Variants in ADAM22 observed in about 807,000 individuals in gnomAD.
ADAM22 encodes the protein ADAM metallopeptidase domain 22.
ADAM22 carries 65 observed loss-of-function variants against 144.6 expected under a neutral mutation model. The observed-to-expected ratio is 0.45, with a 90% CI of 0.37 to 0.55. ADAM22 has a LOEUF of 0.55. ADAM22 is among the 20% of genes least tolerant of loss of function. The pLI is 0.00. For synonymous variants in ADAM22, 391 were observed against 412.6 expected (o/e 0.95, Z 0.63); for missense variants, 974 against 1,184.9 (o/e 0.82, Z 2.61).
chr7:88,122,935 T>A (rs956501180), intron 7 of ADAM22, among the ~76,000 whole-genome samples: 2 of 152,222 alleles, frequency 1.3e-5, no homozygotes, highest in Non-Finnish European at 2.9e-5. Flanking sequence ...ATCTGAGTAG[T>A]TTTATCAGTC....
At chr7:88,135,701 C>G (rs1832852003) in intron 13 of ADAM22, among the ~76,000 whole-genome samples, 1 of 152,058 alleles carries the variant, frequency 6.6e-6, no homozygotes, top group South Asian at 2.1e-4. Flanking sequence ...ATTTGATTGT[C>G]TTTCATTTAA....
chr7:88,062,684 T>C (rs758677079), intron 3 of ADAM22, among the ~76,000 whole-genome samples: 1 of 152,250 alleles, frequency 6.6e-6, no homozygotes, highest in Non-Finnish European at 1.5e-5. Flanking sequence ...GTTTTTGACT[T>C]ATCTTGGCTT....
At chr7:88,035,948 A>T (rs1473145662) in intron 3 of ADAM22, among the ~76,000 whole-genome samples, 1 of 152,206 alleles carries the variant, frequency 6.6e-6, no homozygotes, top group Non-Finnish European at 1.5e-5. Flanking sequence ...AGTCAGGAAA[A>T]ATATGGATCT....
Position 88,002,913 on chromosome 7 carries a change from A to T in ADAM22, c.323+24501A>T, listed in dbSNP as rs555021923. Among the ~76,000 whole-genome samples the T allele has an allele frequency of 6.6e-5, 10 of 152,358 alleles. No homozygotes were observed. In the South Asian group the frequency reaches 2.1e-3, roughly 32 times the overall value. On this transcript the variant is annotated intron_variant, in intron 3 of 31. Transcript: ENST00000413139. Reference sequence around the variant, plus strand: ...TTAGGAAAACTTCATGCTTAGATGAAGTAAGAGGATGTAATTTGTGAAGTG... The same window carrying T: ...TTAGGAAAACTTCATGCTTAGATGATGTAAGAGGATGTAATTTGTGAAGTG...
chr7:88,039,309 G>A (rs1174554488), intron 3 of ADAM22, among the ~76,000 whole-genome samples: 1 of 150,410 alleles, frequency 6.6e-6, no homozygotes, highest in Non-Finnish European at 1.5e-5. Flanking sequence ...CAGACATGGT[G>A]GCACACGCCT....
At chr7:87,945,431 A>G (rs1406707494) in intron 2 of ADAM22, among the ~76,000 whole-genome samples, 5 of 152,180 alleles carry the variant, frequency 3.3e-5, no homozygotes, top group South Asian at 2.1e-4. Context: ...AGTGTTTAAT[A>G]AGGATAGGAT....
intron 3 of ADAM22, among the ~76,000 whole-genome samples, chr7:88,000,264 A>G (rs1042428792): frequency 5.9e-5 from 9 of 152,180 alleles, no homozygotes; most frequent in African/African-American, 1.9e-4. Flanking sequence ...TCCATGTAGT[A>G]AAGTGTTGAC....
intron 3 of ADAM22, among the ~76,000 whole-genome samples, chr7:87,983,440 TA>T (rs1854207605): frequency 6.6e-6 from 1 of 152,130 alleles, no homozygotes; most frequent in Admixed American, 6.5e-5. Flanking sequence ...GTGGGTGTAA[TA>T]TTTTTCCATC....
At chr7:88,052,457 G>A (rs575256115) in intron 3 of ADAM22, among the ~76,000 whole-genome samples, 2 of 151,252 alleles carry the variant, frequency 1.3e-5, no homozygotes, top group South Asian at 2.1e-4. Flanking sequence ...CGGAGATCAC[G>A]CCACTGCACT....
At chr7:88,026,001 T>C (rs1798946180) in intron 3 of ADAM22, among the ~76,000 whole-genome samples, 1 of 152,234 alleles carries the variant, frequency 6.6e-6, no homozygotes, top group Non-Finnish European at 1.5e-5. Context: ...TGTGTGTGTG[T>C]CCTCTTCAAT....
At chr7:88,170,847 C>A (rs1844150130) in intron 25 of ADAM22, among the ~76,000 whole-genome samples, 1 of 151,914 alleles carries the variant, frequency 6.6e-6, no homozygotes, top group South Asian at 2.1e-4. Context: ...TGGTACTGTA[C>A]TACCACACCC....
chr7:88,007,551 G>A (rs568604195), intron 3 of ADAM22, among the ~76,000 whole-genome samples: 309 of 152,072 alleles, frequency 2.0e-3, no homozygotes, highest in African/African-American at 5.7e-3. Context: ...CAAAACAGAC[G>A]TATAGATCAA....
At chr7:88,149,118 C>A in intron 18 of ADAM22, 61 bp downstream of exon 18, 1 of 1,138,686 alleles carries the variant, frequency 8.8e-7, no homozygotes, top group Non-Finnish European at 1.3e-6. Context: ...CTTTAGTGCA[C>A]TGACCCTCAA....
intron 5 of ADAM22, among the ~76,000 whole-genome samples, chr7:88,112,958 G>T (rs532040981): frequency 9.9e-5 from 15 of 152,154 alleles, no homozygotes; most frequent in African/African-American, 3.6e-4. Context: ...GGCCTCATGT[G>T]ATTTCCCCCC....
Position 88,158,278 on chromosome 7 carries a change from A to G in ADAM22, c.1907+2272A>G, listed in dbSNP as rs191247633. ...CAAGTTCTTAGAGACCTACAAAGAG[A>G]CTTAAACTCCCTCACAATAACAGTA... On this transcript the variant is annotated intron_variant, in intron 22 of 31. Transcript: ENST00000413139. Among the ~76,000 whole-genome samples the G allele has an allele frequency of 4.9e-3, 753 of 152,274 alleles. 9 individuals carry two copies. The highest frequency in any genetic ancestry group is 0.017 in the African/African-American group (721 of 41,576).
At chr7:88,082,729 A>C (rs573028358) in intron 4 of ADAM22, among the ~76,000 whole-genome samples, 2 of 152,232 alleles carry the variant, frequency 1.3e-5, no homozygotes, top group Non-Finnish European at 2.9e-5. Flanking sequence ...CAAAAAACAC[A>C]TGAAAAAATG....
chr7:88,181,667 T>G lies in ADAM22; in HGVS notation c.2596+62T>G. 2 of 1,415,824 alleles carry G rather than the reference T, an allele frequency of 1.4e-6. 1 individual carries two copies. Among genetic ancestry groups the G allele is most frequent in the Admixed American group, 3.8e-5 (2 of 52,580 alleles). 87.7% of individuals were successfully genotyped at this position (1,415,824 alleles called of 1,614,324 possible). On this transcript the variant is annotated intron_variant, in intron 28 of 31. Coordinates refer to ENST00000413139, the MANE Select transcript of ADAM22 (RefSeq NM_001324418.2). ...ATCAAGTTCTATATTCTGTGGCCCC[T>G]GGTTGTAAAGACTTTTATTTCTTTG...
chr7:88,072,925 A>G (rs1813203815), intron 3 of ADAM22, among the ~76,000 whole-genome samples: 1 of 152,242 alleles, frequency 6.6e-6, no homozygotes, highest in South Asian at 2.1e-4. Context: ...TGCCTGAGGC[A>G]GGTCTTTCCA....
At chr7:88,113,277 T>C (rs1167708432) in intron 5 of ADAM22, among the ~76,000 whole-genome samples, 1 of 151,900 alleles carries the variant, frequency 6.6e-6, no homozygotes, top group African/African-American at 2.4e-5. Context: ...TTCAAATCCA[T>C]CAGTAAATCC....
Sources: allele counts gnomAD v4.1 joint callset (sites outside exome capture counted in the v4.1 genomes callset), GRCh38; gene constraint gnomAD v4.1.1; transcripts MANE v1.5; gene names NCBI Gene and HGNC (gene_info 2026-07-23, HGNC 2026-07-21).